Variants in KIF16B observed in about 807,000 individuals in gnomAD.
KIF16B encodes kinesin family member 16B, also known as kinesin-like protein KIF16B.
KIF16B carries 98 observed loss-of-function variants against 156.3 expected under a neutral mutation model. The ratio of observed to expected loss-of-function variants is 0.63; its 90% confidence interval spans 0.53 to 0.74. The LOEUF is 0.74. KIF16B is among the 30% of genes least tolerant of loss of function. The pLI, the probability that KIF16B is intolerant of heterozygous loss-of-function variation, is 0.00. For missense variants in KIF16B, 1,421 were observed against 1,606.5 expected, an observed-to-expected ratio of 0.88 and a Z score of 1.97; for synonymous variants, 564 against 583.7, an observed-to-expected ratio of 0.97 and a Z score of 0.49.
chr20:16,386,639 A>C (rs1202027581), intron 17 of KIF16B, among the ~76,000 whole-genome samples: 1 of 151,712 alleles, frequency 6.6e-6, no homozygotes. Flanking sequence ...CAAGCAGGAG[A>C]CAGAGAGATT....
chr20:16,512,768 C>T, intron 5 of KIF16B, 58 bp downstream of exon 5: 1 of 1,182,646 alleles, frequency 8.5e-7, no homozygotes, highest in Non-Finnish European at 1.3e-6. Flanking sequence ...TAAATGCAGG[C>T]CAACCAGCAT....
At chr20:16,482,290 C>T (rs1375719663) in intron 12 of KIF16B, among the ~76,000 whole-genome samples, 1 of 151,908 alleles carries the variant, frequency 6.6e-6, no homozygotes. Context: ...AAACTGCTGT[C>T]ATCCTTAAAT....
chr20:16,497,207 C>T (rs1208471544), intron 11 of KIF16B, among the ~76,000 whole-genome samples: 1 of 152,134 alleles, frequency 6.6e-6, no homozygotes, highest in Non-Finnish European at 1.5e-5. Context: ...TCAGAGATTC[C>T]TCAAGTGCCA....
At chr20:16,285,872 G>T (rs2063215216) in intron 25 of KIF16B, among the ~76,000 whole-genome samples, 1 of 152,026 alleles carries the variant, frequency 6.6e-6, no homozygotes, top group South Asian at 2.1e-4. Flanking sequence ...CACAAACACA[G>T]ATGCCTCCAT....
intron 3 of KIF16B, among the ~76,000 whole-genome samples, chr20:16,523,297 C>T (rs1366569777): frequency 6.6e-6 from 1 of 152,156 alleles, no homozygotes; most frequent in Non-Finnish European, 1.5e-5. Flanking sequence ...ATCATCTCAG[C>T]CCAAAATCTC....
intron 1 of KIF16B, among the ~76,000 whole-genome samples, chr20:16,540,554 GC>G (rs879275549): frequency 3.3e-5 from 5 of 152,124 alleles, no homozygotes; most frequent in Admixed American, 3.3e-4. Flanking sequence ...AGCTCCTCGT[GC>G]CCTTGCACTT....
intron 15 of KIF16B, among the ~76,000 whole-genome samples, chr20:16,423,455 A>C (rs1237708791): frequency 1.3e-5 from 2 of 152,166 alleles, no homozygotes; most frequent in African/African-American, 4.8e-5. Context: ...GTTATGTTAT[A>C]TGGTGTGTAC....
At chr20:16,513,735 C>G (rs1320304030) in intron 4 of KIF16B, among the ~76,000 whole-genome samples, 1 of 150,784 alleles carries the variant, frequency 6.6e-6, no homozygotes, top group Non-Finnish European at 1.5e-5. Flanking sequence ...TGGCCTTCCT[C>G]GATGGAAAAT....
At chr20:16,410,096 T>TATACATATATGTAGGTAC (rs2065902538) in intron 15 of KIF16B, among the ~76,000 whole-genome samples, 13 of 91,498 alleles carry the variant, frequency 1.4e-4, no homozygotes, top group African/African-American at 7.3e-4. Flanking sequence ...TGTAGGTACA[T>TATACATATATGTAGGTAC]ATATATATAT....
intron 1 of KIF16B, among the ~76,000 whole-genome samples, chr20:16,560,761 G>T (rs1012107485): frequency 6.6e-6 from 1 of 151,926 alleles, no homozygotes; most frequent in African/African-American, 2.4e-5. Flanking sequence ...CTCAAGCCTG[G>T]GTGACAAAGT....
intron 1 of KIF16B, among the ~76,000 whole-genome samples, chr20:16,552,856 T>G (rs1185948824): frequency 6.6e-6 from 1 of 151,948 alleles, no homozygotes; most frequent in Non-Finnish European, 1.5e-5. Flanking sequence ...CCTGCAACCT[T>G]CTGGGTTCAA....
chr20:16,390,268 G>A (rs890144645), intron 17 of KIF16B, among the ~76,000 whole-genome samples: 3 of 152,146 alleles, frequency 2.0e-5, no homozygotes, highest in African/African-American at 7.2e-5. Context: ...AAGAAAAAAG[G>A]ATTGGTTTTT....
intron 1 of KIF16B, among the ~76,000 whole-genome samples, chr20:16,541,698 ATTAAG>A (rs942534781): frequency 6.6e-5 from 10 of 152,212 alleles, no homozygotes; most frequent in African/African-American, 2.4e-4. Flanking sequence ...CAGGGTGTTC[ATTAAG>A]TTATGTCTTT....
intron 1 of KIF16B, among the ~76,000 whole-genome samples, chr20:16,541,440 C>T (rs1038078841): frequency 2.6e-5 from 4 of 152,216 alleles, no homozygotes; most frequent in African/African-American, 9.6e-5. Flanking sequence ...CCCCCATGGG[C>T]TGCCAGTACG....
chr20:16,398,860 T>C (rs150882225), intron 17 of KIF16B, among the ~76,000 whole-genome samples: 2 of 152,190 alleles, frequency 1.3e-5, no homozygotes, highest in East Asian at 3.9e-4. Flanking sequence ...CCAGCATTGC[T>C]AGGCAGAAGC....
chr20:16,343,330 T>G (rs968672188), intron 23 of KIF16B, among the ~76,000 whole-genome samples: 1 of 152,220 alleles, frequency 6.6e-6, no homozygotes, highest in African/African-American at 2.4e-5. Context: ...GGTTTAAGGA[T>G]TGCCAGTGTT....
intron 1 of KIF16B, among the ~76,000 whole-genome samples, chr20:16,557,531 C>T (rs111542508): frequency 6.6e-6 from 1 of 152,040 alleles, no homozygotes; most frequent in African/African-American, 2.4e-5. Context: ...CACAGTAACA[C>T]CAGAGGAAGA....
chr20:16,545,164 T>C (rs2070355400), intron 1 of KIF16B, among the ~76,000 whole-genome samples: 1 of 152,138 alleles, frequency 6.6e-6, no homozygotes, highest in Non-Finnish European at 1.5e-5. Flanking sequence ...GGAAAAAAGA[T>C]ACGGCTGTGC....
intron 25 of KIF16B, among the ~76,000 whole-genome samples, chr20:16,283,245 G>A (rs1334060263): frequency 6.6e-6 from 1 of 152,198 alleles, no homozygotes; most frequent in African/African-American, 2.4e-5. Flanking sequence ...TCCTGGGGTG[G>A]GCTACCCAGG....
Sources: gnomAD v4.1 joint callset for allele counts (sites outside exome capture counted in the v4.1 genomes callset) on GRCh38, gnomAD v4.1.1 for gene constraint, MANE v1.5 for transcripts, NCBI Gene and HGNC (gene_info 2026-07-23, HGNC 2026-07-21) for gene names.